Variants in CCBE1 observed in about 807,000 individuals in gnomAD.
CCBE1 encodes collagen and calcium binding EGF domains 1.
A neutral mutation model predicts 50.0 loss-of-function variants in CCBE1; 37 were observed. The observed-to-expected ratio is 0.74, with a 90% CI of 0.57 to 0.97. CCBE1 has a LOEUF of 0.97. Ranked by LOEUF, CCBE1 falls within the 50% of genes least tolerant of loss-of-function variation. CCBE1 has a pLI of 0.00. For missense variants in CCBE1, 538 were observed against 523.8 expected, an observed-to-expected ratio of 1.03 and a Z score of -0.26; for synonymous variants, 234 against 203.7, an observed-to-expected ratio of 1.15 and a Z score of -1.27.
At chr18:59,534,695 A>G (rs1915180889) in intron 2 of CCBE1, among the ~76,000 whole-genome samples, 1 of 152,228 alleles carries the variant, frequency 6.6e-6, no homozygotes, top group South Asian at 2.1e-4. Context: ...CAAGCTGTCC[A>G]GGTCATTTCT....
At chr18:59,527,022 G>A (rs1885369202) in intron 2 of CCBE1, among the ~76,000 whole-genome samples, 1 of 152,114 alleles carries the variant, frequency 6.6e-6, no homozygotes, top group South Asian at 2.1e-4. Flanking sequence ...TATCTAATAG[G>A]CTCACTTGAT....
chr18:59,679,646 T>A (rs1008345004), intron 2 of CCBE1, among the ~76,000 whole-genome samples: 1 of 151,156 alleles, frequency 6.6e-6, no homozygotes, highest in East Asian at 2.0e-4. Flanking sequence ...TTGAATCTTT[T>A]AATGATGATA....
chr18:59,621,509 C>T (rs940203206), intron 2 of CCBE1, among the ~76,000 whole-genome samples: 7 of 152,130 alleles, frequency 4.6e-5, no homozygotes, highest in African/African-American at 1.7e-4. Context: ...GATAAATAAC[C>T]CCCACTAATA....
At chr18:59,560,816 C>A (rs1433946986) in intron 2 of CCBE1, among the ~76,000 whole-genome samples, 1 of 152,154 alleles carries the variant, frequency 6.6e-6, no homozygotes, top group East Asian at 1.9e-4. Flanking sequence ...AACGACTCCC[C>A]GGACAGGGAC....
At chr18:59,551,009 AAAAAAAAAAAAAAAAAAAAAG>A (rs1203945206) in intron 2 of CCBE1, among the ~76,000 whole-genome samples, 1 of 26,932 alleles carries the variant, frequency 3.7e-5, no homozygotes, top group Non-Finnish European at 9.5e-5. Context: ...AAAAAAAAAA[AAAAAAAAAAAAAAAAAAAAAG>A]AAAAGAAAAG....
In CCBE1 at chr18:59,536,621, C is replaced by T. The variant is rs74990737; in HGVS notation, c.213-56383G>A. ...TCATAGTGTACATGACAAATAAGAA[C>T]GACCAATGCAACAGCCATGAAAACA... On this transcript the variant is annotated intron_variant, in intron 2 of 10. Coordinates refer to ENST00000439986, the MANE Select transcript of CCBE1 (RefSeq NM_133459.4). Among the ~76,000 whole-genome samples, 253 of 152,234 alleles carry T rather than the reference C, an allele frequency of 1.7e-3. 1 individual carries two copies. Among genetic ancestry groups the T allele is most frequent in the African/African-American group, 5.6e-3 (232 of 41,520 alleles).
At chr18:59,620,818 A>C (rs2053701622) in intron 2 of CCBE1, among the ~76,000 whole-genome samples, 1 of 152,208 alleles carries the variant, frequency 6.6e-6, no homozygotes, top group Admixed American at 6.5e-5. Context: ...CCTCTTCTGT[A>C]AATTGCCCAG....
At position 59,550,142 on chromosome 18, in the gene CCBE1, T is replaced by C. The variant is rs115947755; in HGVS notation, c.213-69904A>G. 8.1e-3 allele frequency among the ~76,000 whole-genome samples: 1,233 copies of C among 152,276 alleles called. 19 individuals are homozygous for C. The highest frequency in any genetic ancestry group is 0.029 in the African/African-American group (1,188 of 41,548). On this transcript the variant is annotated intron_variant, in intron 2 of 10. Coordinates refer to ENST00000439986, the MANE Select transcript of CCBE1 (RefSeq NM_133459.4). ...GGAGACTGTGTCATCATTCAAACCC[T>C]ATAGATACCCAAGCCAGCAAAACCA...
At chr18:59,611,211 G>T (rs1258364516) in intron 2 of CCBE1, among the ~76,000 whole-genome samples, 2 of 152,212 alleles carry the variant, frequency 1.3e-5, no homozygotes, top group East Asian at 3.8e-4. Context: ...AATTTATTAA[G>T]TATCACTCAG....
chr18:59,462,705 C>T (rs1271501477), intron 5 of CCBE1, among the ~76,000 whole-genome samples: 1 of 151,334 alleles, frequency 6.6e-6, no homozygotes, highest in Non-Finnish European at 1.5e-5. Flanking sequence ...TTTTAAATGG[C>T]AATCTCTCTG....
chr18:59,547,190 C>T (rs1169112154), intron 2 of CCBE1, among the ~76,000 whole-genome samples: 1 of 151,692 alleles, frequency 6.6e-6, no homozygotes, highest in African/African-American at 2.4e-5. Flanking sequence ...CACAATGGCT[C>T]ACGCCTGTAA....
chr18:59,652,481 C>CTTTTTTT (rs35752064), intron 2 of CCBE1, among the ~76,000 whole-genome samples: 1 of 150,008 alleles, frequency 6.7e-6, no homozygotes. Flanking sequence ...GACTCCCCCC[C>CTTTTTTT]TTTTTTTTTA....
chr18:59,611,194 C>A (rs995236317), intron 2 of CCBE1, among the ~76,000 whole-genome samples: 3 of 152,182 alleles, frequency 2.0e-5, no homozygotes, highest in Non-Finnish European at 4.4e-5. Flanking sequence ...GCAGCTCTTC[C>A]CTTCGTAATT....
intron 2 of CCBE1, among the ~76,000 whole-genome samples, chr18:59,542,670 T>C (rs779787086): frequency 5.3e-5 from 8 of 152,204 alleles, no homozygotes; most frequent in Non-Finnish European, 1.0e-4. Context: ...CTAGTACCAC[T>C]GCTAAAATGT....
At chr18:59,579,570 T>C (rs1397998591) in intron 2 of CCBE1, among the ~76,000 whole-genome samples, 1 of 152,212 alleles carries the variant, frequency 6.6e-6, no homozygotes, top group Non-Finnish European at 1.5e-5. Context: ...AGATTTTATT[T>C]TGTAATGCAT....
At chr18:59,676,613 C>T (rs1261083050) in intron 2 of CCBE1, among the ~76,000 whole-genome samples, 2 of 152,184 alleles carry the variant, frequency 1.3e-5, no homozygotes, top group South Asian at 2.1e-4. Flanking sequence ...ACATCAGGAA[C>T]CGTACTGGAC....
intron 2 of CCBE1, among the ~76,000 whole-genome samples, chr18:59,535,963 C>T (rs1403243734): frequency 2.6e-5 from 4 of 152,162 alleles, no homozygotes; most frequent in Non-Finnish European, 5.9e-5. Flanking sequence ...GTTTGGATTA[C>T]AGGCACAAGC....
chr18:59,632,876 T>G (rs1163656678), intron 2 of CCBE1, among the ~76,000 whole-genome samples: 2 of 152,208 alleles, frequency 1.3e-5, no homozygotes, highest in African/African-American at 4.8e-5. Flanking sequence ...CTCAAAGTGC[T>G]GGGATTACAG....
At chr18:59,466,173 C>A (rs1437255726) in intron 5 of CCBE1, among the ~76,000 whole-genome samples, 2 of 151,948 alleles carry the variant, frequency 1.3e-5, no homozygotes, top group Non-Finnish European at 2.9e-5. Flanking sequence ...GTGTCCCCAC[C>A]CAAATCTCAT....
Sources: allele counts gnomAD v4.1 joint callset (sites outside exome capture counted in the v4.1 genomes callset), GRCh38; gene constraint gnomAD v4.1.1; transcripts MANE v1.5; gene names NCBI Gene and HGNC (gene_info 2026-07-23, HGNC 2026-07-21).